Variants in PRKN observed in about 807,000 individuals in gnomAD.
PRKN encodes the protein parkin RBR E3 ubiquitin protein ligase, also known as E3 ubiquitin-protein ligase parkin.
PRKN carries 56 observed loss-of-function variants against 59.5 expected under a neutral mutation model. The observed-to-expected ratio is 0.94, with a 90% confidence interval of 0.76 to 1.18. The LOEUF is 1.18. PRKN is among the 50% of genes most tolerant of loss of function. The pLI is 0.00. For missense variants in PRKN, 657 were observed against 596.4 expected, an observed-to-expected ratio of 1.10 and a Z score of -1.06; for synonymous variants, 250 against 222.1, an observed-to-expected ratio of 1.13 and a Z score of -1.12.
intron 7 of PRKN, among the ~76,000 whole-genome samples, chr6:161,680,803 C>T (rs1158971746): frequency 9.7e-6 from 1 of 103,012 alleles, no homozygotes; most frequent in African/African-American, 4.0e-5. Flanking sequence ...TTTCCTAAAA[C>T]AACATGGAAA....
At chr6:161,815,721 C>T (rs7451929) in intron 6 of PRKN, among the ~76,000 whole-genome samples, 1 of 152,078 alleles carries the variant, frequency 6.6e-6, no homozygotes, top group Non-Finnish European at 1.5e-5. Context: ...GGGAGGGAGA[C>T]CCCAGCGGGA....
Position 161,399,862 on chromosome 6 carries a change from A to G in PRKN, c.1084-12985T>C, listed in dbSNP as rs562455200. Among the ~76,000 whole-genome samples, 20 of 152,332 alleles carry G rather than the reference A, an allele frequency of 1.3e-4. No individual in the cohort carries two copies. The highest frequency in any genetic ancestry group is 9.8e-4 in the Admixed American group (15 of 15,300). ...AATAATTTTTAATGGTCTAGTAGCT[A>G]TATGAAAAGAGGAAAAAGAAACAAG... On this transcript the variant is annotated intron_variant, in intron 9 of 11. Coordinates refer to ENST00000366898, the MANE Select transcript of PRKN (RefSeq NM_004562.3). This position sits in a 1 kb window ranked among gnomAD's most constrained non-coding sequence, Gnocchi z 4.4.
chr6:162,041,665 G>A lies in PRKN; in HGVS notation c.618+12426C>T, dbSNP rs180818867. ...GTTGTGATCACTGGGAAGAAAATGC[G>A]GTGAAATCAGACTAACCCATAGTTC... is the stretch of plus-strand genomic sequence containing the variant. On this transcript the variant is annotated intron_variant, in intron 5 of 11. Transcript: ENST00000366898. Among the ~76,000 whole-genome samples, 421 of 152,260 alleles carry A rather than the reference G, an allele frequency of 2.8e-3. 1 individual carries two copies. Among genetic ancestry groups the A allele is most frequent in the Non-Finnish European group, 5.3e-3 (358 of 68,016 alleles).
intron 3 of PRKN, among the ~76,000 whole-genome samples, chr6:162,204,768 C>A (rs903387593): frequency 6.6e-6 from 1 of 150,872 alleles, no homozygotes; most frequent in African/African-American, 2.4e-5. Flanking sequence ...GAGTTCAGGG[C>A]CCTTTTAAAG....
intron 2 of PRKN, chr6:162,275,481 C>T (rs997084089): frequency 6.6e-6 from 1 of 151,982 alleles, no homozygotes; most frequent in African/African-American, 2.4e-5. Flanking sequence ...TTTTTAAAAG[C>T]ATTATTAAAA....
At chr6:162,510,979 C>G (rs975945142) in intron 1 of PRKN, among the ~76,000 whole-genome samples, 2 of 151,868 alleles carry the variant, frequency 1.3e-5, no homozygotes, top group Non-Finnish European at 2.9e-5. Flanking sequence ...TATATACCCA[C>G]TGAACAATAA....
intron 2 of PRKN, among the ~76,000 whole-genome samples, chr6:162,351,247 A>C (rs143603410): frequency 1.9e-3 from 287 of 152,272 alleles, no homozygotes; most frequent in African/African-American, 6.6e-3. Context: ...TGAAGAAAAC[A>C]ACCCAATAAA....
chr6:162,129,185 T>C (rs1781243812), intron 4 of PRKN, among the ~76,000 whole-genome samples: 1 of 152,200 alleles, frequency 6.6e-6, no homozygotes, highest in Non-Finnish European at 1.5e-5. Flanking sequence ...CTGGGTAGCT[T>C]TATATTAAGT....
chr6:162,697,454 A>G (rs1199438847), intron 1 of PRKN, among the ~76,000 whole-genome samples: 1 of 152,230 alleles, frequency 6.6e-6, no homozygotes, highest in Non-Finnish European at 1.5e-5. Flanking sequence ...TAGTAAAAAA[A>G]GCAAGTTTTA....
At chr6:161,965,192 A>G (rs1453061400) in intron 6 of PRKN, among the ~76,000 whole-genome samples, 1 of 152,074 alleles carries the variant, frequency 6.6e-6, no homozygotes, top group African/African-American at 2.4e-5. Flanking sequence ...TAAGTCTGCA[A>G]TCCATTGTGG....
At chr6:162,179,242 T>C (rs1164802087) in intron 4 of PRKN, among the ~76,000 whole-genome samples, 2 of 152,194 alleles carry the variant, frequency 1.3e-5, no homozygotes, top group Non-Finnish European at 2.9e-5. Flanking sequence ...CCACACATGT[T>C]CTATTTGAGC....
chr6:162,032,970 C>G (rs1783697754), intron 5 of PRKN, among the ~76,000 whole-genome samples: 1 of 152,192 alleles, frequency 6.6e-6, no homozygotes, highest in Non-Finnish European at 1.5e-5. Context: ...ATCCAAGAAG[C>G]TTGACCCAAT....
At chr6:162,221,830 C>G (rs181867339) in intron 3 of PRKN, among the ~76,000 whole-genome samples, 57 of 152,198 alleles carry the variant, frequency 3.7e-4, no homozygotes, top group African/African-American at 1.3e-3. Context: ...TTTGCTTTAC[C>G]ACTTTGCAGT....
At chr6:162,081,601 T>C (rs143328705) in intron 4 of PRKN, among the ~76,000 whole-genome samples, 1,538 of 152,226 alleles carry the variant, frequency 0.01, 39 homozygotes, top group African/African-American at 0.035. Context: ...GGCTTTGTTG[T>C]TCCATTTATA....
intron 6 of PRKN, among the ~76,000 whole-genome samples, chr6:161,875,668 T>C (rs1321191408): frequency 6.6e-6 from 1 of 152,080 alleles, no homozygotes; most frequent in African/African-American, 2.4e-5. Flanking sequence ...AGAGGCTCTG[T>C]CCGTTTTGAC....
intron 2 of PRKN, chr6:162,263,396 A>C (rs1779983120): frequency 1.2e-5 from 2 of 168,974 alleles, no homozygotes; most frequent in East Asian, 1.6e-4. Flanking sequence ...TAGGCTCCAC[A>C]CACACCGCTC....
chr6:162,532,335 G>A (rs1226645335), intron 1 of PRKN, among the ~76,000 whole-genome samples: 1 of 152,236 alleles, frequency 6.6e-6, no homozygotes, highest in Non-Finnish European at 1.5e-5. Flanking sequence ...ACAGAGCTAA[G>A]TCTACATCAC....
chr6:162,010,466 T>C (rs187196756), intron 5 of PRKN, among the ~76,000 whole-genome samples: 2,927 of 20,520 alleles, frequency 0.14, 159 homozygotes, highest in Admixed American at 0.2. Flanking sequence ...ATTTATAATA[T>C]ATATTATATA....
intron 3 of PRKN, among the ~76,000 whole-genome samples, chr6:162,253,222 T>C (rs138066125): frequency 6.6e-6 from 1 of 152,290 alleles, no homozygotes; most frequent in East Asian, 1.9e-4. Flanking sequence ...ATCACCTGTA[T>C]GAAAAATAGT....
Sources: allele counts gnomAD v4.1 joint callset (sites outside exome capture counted in the v4.1 genomes callset), GRCh38; gene constraint gnomAD v4.1.1; non-coding constraint Gnocchi (gnomAD v3.1); transcripts MANE v1.5; gene names NCBI Gene and HGNC (gene_info 2026-07-23, HGNC 2026-07-21).